HRH1: variants seen among roughly 807,000 people sequenced by gnomAD.
HRH1 encodes histamine H1 receptor.
In HRH1, 6 loss-of-function variants were observed where a neutral mutation model predicts 10.3. The observed-to-expected ratio is 0.58, with a 90% CI of 0.32 to 1.15. The LOEUF is 1.15. Ranked by LOEUF, HRH1 falls within the 50% of genes most tolerant of loss-of-function variation. The probability of loss-of-function intolerance (pLI) is 0.05; values close to 1 mark genes in which losing one functional copy is unlikely to be tolerated. For missense variants in HRH1, 514 were observed against 615.3 expected, an observed-to-expected ratio of 0.84 and a Z score of 1.74; for synonymous variants, 242 against 236.7, an observed-to-expected ratio of 1.02 and a Z score of -0.21.
intron 1 of HRH1, among the ~76,000 whole-genome samples, chr3:11,242,329 A>G (rs1010805814): frequency 6.6e-6 from 1 of 151,944 alleles, no homozygotes; most frequent in Non-Finnish European, 1.5e-5. Context: ...AAAATTCAAA[A>G]AATTAGCCGG....
At chr3:11,204,634 C>A (rs1938049224) in intron 1 of HRH1, among the ~76,000 whole-genome samples, 1 of 152,188 alleles carries the variant, frequency 6.6e-6, no homozygotes, top group South Asian at 2.1e-4. Context: ...AGAAAGAGAA[C>A]AAACTACGTG....
At chr3:11,233,982 G>T (rs1173210948) in intron 1 of HRH1, among the ~76,000 whole-genome samples, 2 of 152,186 alleles carry the variant, frequency 1.3e-5, no homozygotes, top group Non-Finnish European at 2.9e-5. Context: ...TTCAGCACAT[G>T]ATTTAAAAGT....
intron 1 of HRH1, among the ~76,000 whole-genome samples, chr3:11,145,291 T>C (rs1936412633): frequency 6.6e-6 from 1 of 152,174 alleles, no homozygotes. Context: ...CCTCCTTCTC[T>C]CAGTCAACTT....
intron 1 of HRH1, among the ~76,000 whole-genome samples, chr3:11,139,405 G>A (rs889055044): frequency 1.1e-4 from 17 of 151,654 alleles, no homozygotes; most frequent in African/African-American, 3.9e-4. Flanking sequence ...TCAGCTTCCC[G>A]AGTAGCTGGG....
At chr3:11,180,523 C>T (rs1312138336) in intron 1 of HRH1, among the ~76,000 whole-genome samples, 2 of 152,158 alleles carry the variant, frequency 1.3e-5, no homozygotes, top group African/African-American at 2.4e-5. Flanking sequence ...TTGCCTACCA[C>T]CCATCTTCTG....
At chr3:11,239,035 G>A (rs1939264593) in intron 1 of HRH1, among the ~76,000 whole-genome samples, 1 of 152,166 alleles carries the variant, frequency 6.6e-6, no homozygotes, top group African/African-American at 2.4e-5. Context: ...ATCTAGGTGT[G>A]GAATCACTGA....
chr3:11,239,656 AT>A (rs1296443581), intron 1 of HRH1, among the ~76,000 whole-genome samples: 1 of 152,180 alleles, frequency 6.6e-6, no homozygotes, highest in Non-Finnish European at 1.5e-5. Flanking sequence ...ATTTTTGTGT[AT>A]GATATAAGGG....
At chr3:11,220,527 AG>A in intron 1 of HRH1, among the ~76,000 whole-genome samples, 1 of 152,342 alleles carries the variant, frequency 6.6e-6, no homozygotes, top group African/African-American at 2.4e-5. Flanking sequence ...GGCGGTGTGG[AG>A]CTGCAGGGCT....
At chr3:11,140,856 C>G (rs1172957289) in intron 1 of HRH1, among the ~76,000 whole-genome samples, 1 of 152,178 alleles carries the variant, frequency 6.6e-6, no homozygotes, top group Non-Finnish European at 1.5e-5. Flanking sequence ...AAGTGCCAAG[C>G]CCTTAAGATG....
intron 1 of HRH1, among the ~76,000 whole-genome samples, chr3:11,182,220 A>G (rs569094144): frequency 6.6e-6 from 1 of 150,712 alleles, no homozygotes; most frequent in African/African-American, 2.4e-5. Context: ...TGACCTTGTG[A>G]TCCACCCCGC....
chr3:11,201,708 C>G (rs749321173), intron 1 of HRH1, among the ~76,000 whole-genome samples: 2 of 152,234 alleles, frequency 1.3e-5, no homozygotes, highest in Non-Finnish European at 2.9e-5. Flanking sequence ...TTGCCACACC[C>G]TCAAGGGGGA....
At chr3:11,236,200 T>G (rs6793497) in intron 1 of HRH1, among the ~76,000 whole-genome samples, 2,180 of 152,336 alleles carry the variant, frequency 0.014, 57 homozygotes, top group African/African-American at 0.05. Flanking sequence ...ATCTCAGCAC[T>G]TTGGGAGACT....
intron 1 of HRH1, among the ~76,000 whole-genome samples, chr3:11,247,953 C>T (rs554073421): frequency 3.9e-5 from 6 of 152,282 alleles, no homozygotes; most frequent in African/African-American, 1.4e-4. Context: ...ATATTGAGGT[C>T]ATAATTCCTT....
chr3:11,158,078 A>G (rs1027464273), intron 1 of HRH1, among the ~76,000 whole-genome samples: 3 of 152,228 alleles, frequency 2.0e-5, no homozygotes, highest in African/African-American at 7.2e-5. Context: ...CAAATTGCTT[A>G]ATTGGGCCTC....
chr3:11,253,594 T>G (rs1002818565), intron 1 of HRH1, among the ~76,000 whole-genome samples: 1 of 152,170 alleles, frequency 6.6e-6, no homozygotes, highest in Non-Finnish European at 1.5e-5. Context: ...CTTGGTAAGA[T>G]TTTGGGTGCG....
At chr3:11,216,346 AC>A (rs1938493428) in intron 1 of HRH1, among the ~76,000 whole-genome samples, 1 of 152,222 alleles carries the variant, frequency 6.6e-6, no homozygotes, top group African/African-American at 2.4e-5. Context: ...AGCATTATTC[AC>A]AGCAGCCGAA....
At chr3:11,168,706 G>C (rs1170672726) in intron 1 of HRH1, among the ~76,000 whole-genome samples, 2 of 152,242 alleles carry the variant, frequency 1.3e-5, no homozygotes, top group African/African-American at 4.8e-5. Flanking sequence ...GACACACAAT[G>C]ATGAGAGGTA....
chr3:11,246,225 T>C (rs1161514853), intron 1 of HRH1, among the ~76,000 whole-genome samples: 3 of 152,212 alleles, frequency 2.0e-5, no homozygotes, highest in Non-Finnish European at 4.4e-5. Flanking sequence ...GCTGCTACTC[T>C]GAGGACACAG....
At chr3:11,202,393 A>G (rs567992759) in intron 1 of HRH1, among the ~76,000 whole-genome samples, 8 of 143,454 alleles carry the variant, frequency 5.6e-5, no homozygotes, top group Non-Finnish European at 1.2e-4. Flanking sequence ...TGACAGAGCA[A>G]GACTCCATCT....
Sources: allele counts gnomAD v4.1 joint callset (sites outside exome capture counted in the v4.1 genomes callset), GRCh38; gene constraint gnomAD v4.1.1; transcripts MANE v1.5; gene names NCBI Gene and HGNC (gene_info 2026-07-23, HGNC 2026-07-21).